The following FBXO47 variants were observed in gnomAD, a reference collection of about 807,000 sequenced individuals.
FBXO47 encodes F-box protein 47.
FBXO47 carries 34 observed loss-of-function variants against 53.9 expected under a neutral mutation model. The observed-to-expected ratio is 0.63, with a 90% CI of 0.48 to 0.84. FBXO47 has a LOEUF of 0.84. Among genes scored for constraint, FBXO47 ranks in the 40% least tolerant of loss-of-function variants. The pLI is 0.00. For synonymous variants in FBXO47, 165 were observed against 181.6 expected (o/e 0.91, Z 0.73); for missense variants, 485 against 541.3 (o/e 0.90, Z 1.03).
intron 9 of FBXO47, among the ~76,000 whole-genome samples, chr17:38,939,241 G>A (rs981664909): frequency 5.7e-4 from 75 of 132,306 alleles, no homozygotes; most frequent in Middle Eastern, 4.9e-3. Flanking sequence ...TGCAGTGAGC[G>A]GAGATCATAC....
rs9890026 is a variant in FBXO47, at chr17:38,942,676, T to G, written c.1083+102A>C. The G allele has an allele frequency of 7.3e-3, 5,808 of 796,980 alleles. 249 individuals are homozygous for G. In the African/African-American group the frequency reaches 0.091, roughly 12 times the overall value. The allele number at this position is 796,980 out of a possible 1,614,324, so 49.4% of individuals were successfully genotyped here. On this transcript the variant is annotated intron_variant, in intron 9 of 10. Transcript: ENST00000378079. ...AAAATATATACTTCAATACTCATTTTTACAAAATCTTTTGTCCACATTTCA... is the reference window on the plus strand; with the variant it reads ...AAAATATATACTTCAATACTCATTTGTACAAAATCTTTTGTCCACATTTCA...
intron 10 of FBXO47, among the ~76,000 whole-genome samples, chr17:38,937,838 T>C (rs1451349484): frequency 2.0e-5 from 3 of 152,064 alleles, no homozygotes; most frequent in Admixed American, 6.6e-5. Flanking sequence ...CAGCTAATTT[T>C]TTTGTATTTT....
At position 38,945,954 on chromosome 17, in the gene FBXO47, T is replaced by A. The variant is rs1337484364; in HGVS notation, c.617-818A>T. Among the ~76,000 whole-genome samples, 140 of 128,516 alleles carry A rather than the reference T, an allele frequency of 1.1e-3. 3 individuals carry two copies. Among genetic ancestry groups the A allele is most frequent in the African/African-American group, 3.3e-3 (108 of 32,688 alleles). 84.3% of individuals were successfully genotyped at this position (128,516 alleles called of 152,430 possible). ...CTGGCTCAAAAAAAAAAAAAATATA[T>A]ATATATATATAAATATATAAATATA... is the stretch of plus-strand genomic sequence containing the variant. On this transcript the variant is annotated intron_variant, in intron 6 of 10. Coordinates refer to ENST00000378079, the MANE Select transcript of FBXO47 (RefSeq NM_001008777.3).
chr17:38,947,568 A>T (rs894277354), intron 6 of FBXO47, among the ~76,000 whole-genome samples: 1 of 152,080 alleles, frequency 6.6e-6, no homozygotes, highest in Non-Finnish European at 1.5e-5. Context: ...TTAGCCTCCC[A>T]AAGTGTTGAG....
At chr17:38,949,977 A>G (rs1468031893) in intron 6 of FBXO47, among the ~76,000 whole-genome samples, 1 of 152,186 alleles carries the variant, frequency 6.6e-6, no homozygotes, top group African/African-American at 2.4e-5. Flanking sequence ...GTGCAATTCA[A>G]TGGTTTATAG....
Position 38,962,884 on chromosome 17 carries a change from G to C in FBXO47, c.142C>G (p.Pro48Ala). ...ISTFGNFKAL[P>A]LEIFQIILKY... ...AAAATTATCTGGAATATTTCCAATG[G>C]TAAGGCTTTAAAATTTCCAAATGTT... The change falls in exon 2 of 11, where the codon CCA becomes GCA. Residue 48 changes from proline (P) to alanine (A), a missense_variant. Physicochemically the swap from Pro to Ala is conservative, Grantham distance 27. Coordinates refer to ENST00000378079, the MANE Select transcript of FBXO47 (RefSeq NM_001008777.3). 1 of 1,612,672 alleles carries C rather than the reference G, an allele frequency of 6.2e-7. No homozygotes were observed. Among genetic ancestry groups the C allele is most frequent in the South Asian group, 1.1e-5 (1 of 90,956 alleles).
In FBXO47 at chr17:38,938,579, T is replaced by C. The variant is rs748081611; in HGVS notation, c.1237A>G (p.Met413Val). 2 of 1,610,918 alleles carry C rather than the reference T, an allele frequency of 1.2e-6. No individual in the cohort carries two copies. Among genetic ancestry groups the C allele is most frequent in the Non-Finnish European group, 1.7e-6 (2 of 1,178,044 alleles). ...CVIMEMLQSIMSGDRDEDDRS... is the reference protein window; with the variant it reads ...CVIMEMLQSIVSGDRDEDDRS... Reference sequence around the variant, plus strand: ...CAAGTACATTCCTACTCACCAGACATAATTGATTGCAGCATTTCCATTATA... The same window carrying C: ...CAAGTACATTCCTACTCACCAGACACAATTGATTGCAGCATTTCCATTATA... Residue 413 changes from methionine (M) to valine (V), a missense_variant, in exon 10 of 11, where the codon ATG becomes GTG. Physicochemically the swap from Met to Val is conservative, Grantham distance 21. Coordinates refer to ENST00000378079, the MANE Select transcript of FBXO47 (RefSeq NM_001008777.3).
chr17:38,951,246 G>C (rs1905265994), intron 6 of FBXO47, among the ~76,000 whole-genome samples: 1 of 151,870 alleles, frequency 6.6e-6, no homozygotes, highest in African/African-American at 2.4e-5. Flanking sequence ...CTCAGGTTGA[G>C]TGTGGTGGTG....
chr17:38,946,881 TA>T (rs1372170880), intron 6 of FBXO47, among the ~76,000 whole-genome samples: 1 of 114,274 alleles, frequency 8.8e-6, no homozygotes, highest in Non-Finnish European at 1.6e-5. Context: ...AACATATATA[TA>T]AATATATATA....
rs144695633 is a variant in FBXO47 at position 38,961,987 on chromosome 17, T to C, written c.242A>G (p.Tyr81Cys). ...TTTGCTTCCTGATGAGGTTGAGATA[T>C]AATTAATAATGTGTTGGCTGACTGT... ...SKTVSQHIIN[Y>C]ISTSSGSKRL... is the part of the protein sequence containing the mutation. The change falls in exon 3 of 11, where the codon TAT becomes TGT. Residue 81 changes from tyrosine (Y) to cysteine (C), a missense_variant. Tyr to Cys is a radical substitution (Grantham distance 194). Transcript: ENST00000378079. 2 of 1,614,016 alleles carry C rather than the reference T, an allele frequency of 1.2e-6. No homozygotes were observed. The highest frequency in any genetic ancestry group is 1.7e-6 in the Non-Finnish European group (2 of 1,179,968).
intron 5 of FBXO47, among the ~76,000 whole-genome samples, chr17:38,953,158 CACACACACAA>C (rs1252143923): frequency 2.6e-4 from 38 of 147,882 alleles, no homozygotes; most frequent in African/African-American, 8.6e-4. Context: ...CACACACACA[CACACACACAA>C]AATAGCTAGG....
In FBXO47 at chr17:38,963,064, A is replaced by T. The variant is rs1431081401; in HGVS notation, c.-26-13T>A. On this transcript the variant is annotated splice_polypyrimidine_tract_variant and intron_variant, in intron 1 of 10. Coordinates refer to ENST00000378079, the MANE Select transcript of FBXO47 (RefSeq NM_001008777.3). ...TCACAAATTTATCCTGGTCAGAAAAACAAAGTACAAGAGACAAGAAAGAAA... is the reference window on the plus strand; with the variant it reads ...TCACAAATTTATCCTGGTCAGAAAATCAAAGTACAAGAGACAAGAAAGAAA... The T allele has an allele frequency of 4.0e-6, 6 of 1,493,512 alleles. No individual in the cohort carries two copies. The highest frequency in any genetic ancestry group is 1.2e-5 in the South Asian group (1 of 85,736). The allele number at this position is 1,493,512 out of a possible 1,614,324, so 92.5% of individuals were successfully genotyped here. A position where few individuals can be genotyped will look rare whatever the true frequency, so the allele number is the denominator to read the frequency against.
At chr17:38,942,418 C>T (rs1432645168) in intron 9 of FBXO47, among the ~76,000 whole-genome samples, 2 of 151,994 alleles carry the variant, frequency 1.3e-5, no homozygotes, top group East Asian at 1.9e-4. Flanking sequence ...CATAGTGAAA[C>T]CCCGTCTCTA....
intron 9 of FBXO47, among the ~76,000 whole-genome samples, chr17:38,941,617 A>T (rs367626351): frequency 0.21 from 15,214 of 73,766 alleles, 992 homozygotes; most frequent in Middle Eastern, 0.38. Flanking sequence ...AATAAATATA[A>T]TATTATATAT....
intron 7 of FBXO47, among the ~76,000 whole-genome samples, chr17:38,944,700 CA>C (rs869294898): frequency 0.35 from 32,020 of 90,888 alleles, 4,100 homozygotes; most frequent in South Asian, 0.42. Context: ...GACTCCGTCT[CA>C]AAAAAAAAAA....
intron 4 of FBXO47, among the ~76,000 whole-genome samples, chr17:38,956,150 G>A (rs1216054647): frequency 6.7e-6 from 1 of 150,198 alleles, no homozygotes; most frequent in Admixed American, 6.6e-5. Context: ...AAAAAAAAAA[G>A]TTTTATTTAT....
At chr17:38,962,619 ATAATAATAATAATAATAATAG>A (rs1905867573) in intron 2 of FBXO47, among the ~76,000 whole-genome samples, 1 of 148,204 alleles carries the variant, frequency 6.7e-6, no homozygotes, top group Non-Finnish European at 1.5e-5. Context: ...AATAATAATA[ATAATAATAATAATAATAATAG>A]TAATAATAAT....
chr17:38,942,868 A>G lies in FBXO47; in HGVS notation c.993T>C (p.Ser331=), dbSNP rs889362191. The change falls in exon 9 of 11, where the codon AGT becomes AGC. Residue 331 remains serine (S), a synonymous_variant. Transcript: ENST00000378079. ...TGAAACTGAAACAGATGTTGTTTCC[A>G]CTTAGCATTAGGAGACGTGCATTAT... ...LENNARLLML[S]GNNICFSFMA... is the part of the protein sequence containing the mutation. 1 of 1,613,122 alleles carries G rather than the reference A, an allele frequency of 6.2e-7. No homozygotes were observed. The highest frequency in any genetic ancestry group is 1.3e-5 in the African/African-American group (1 of 74,908).
intron 3 of FBXO47, among the ~76,000 whole-genome samples, chr17:38,960,886 C>A (rs1185708686): frequency 2.6e-5 from 4 of 152,072 alleles, no homozygotes; most frequent in Non-Finnish European, 5.9e-5. Context: ...CCTGCCTCGG[C>A]CTCTCAAAGT....
Sources: allele counts gnomAD v4.1 joint callset (sites outside exome capture counted in the v4.1 genomes callset), GRCh38; gene constraint gnomAD v4.1.1; transcripts MANE v1.5; gene names NCBI Gene and HGNC (gene_info 2026-07-23, HGNC 2026-07-21).